CCDC170: variants seen among roughly 807,000 people sequenced by gnomAD.
The protein encoded by CCDC170 is coiled-coil domain-containing protein 170.
A neutral mutation model predicts 72.6 loss-of-function variants in CCDC170; 69 were observed. The ratio of observed to expected loss-of-function variants is 0.95; its 90% CI spans 0.78 to 1.16. The LOEUF (loss-of-function observed/expected upper bound fraction) is 1.16, where lower values mean the gene tolerates loss of function less well. CCDC170 is among the 50% of genes most tolerant of loss of function. The probability of loss-of-function intolerance (pLI) is 0.00; values close to 1 mark genes in which losing one functional copy is unlikely to be tolerated. For synonymous variants in CCDC170, 300 were observed against 303.9 expected (o/e 0.99, Z 0.13); for missense variants, 852 against 832.5 (o/e 1.02, Z -0.29).
chr6:151,544,797 T>C, intron 4 of CCDC170, 81 bp downstream of exon 4: 1 of 1,444,486 alleles, frequency 6.9e-7, no homozygotes, highest in African/African-American at 1.4e-5. Context: ...TGTGGTTGAG[T>C]TTGGGGGTGG....
chr6:151,544,429 C>T (rs1782740576), intron 3 of CCDC170, 143 bp from the exon 4 acceptor site: 1 of 813,440 alleles, frequency 1.2e-6, no homozygotes, highest in African/African-American at 1.7e-5. Flanking sequence ...GCTTCTGTGA[C>T]AATAATTTGC....
Position 151,621,076 on chromosome 6 carries a change from A to C in CCDC170, c.*2929A>C, listed in dbSNP as rs1269819670. ...TAGGGACTTCTAATGAAAAGGGTAT[A>C]TGAAATGGGAACAATAAATTCTGTA... On this transcript the variant is annotated 3_prime_UTR_variant, in exon 11 of 11. Transcript: ENST00000239374. 1 of 152,230 alleles carries C rather than the reference A, an allele frequency of 6.6e-6. No individual in the cohort carries two copies. Among genetic ancestry groups the C allele is most frequent in the Non-Finnish European group, 1.5e-5 (1 of 68,046 alleles). 9.4% of individuals were successfully genotyped at this position (152,230 alleles called of 1,614,324 possible). A position where few individuals can be genotyped will look rare whatever the true frequency, so the allele number is the denominator to read the frequency against.
chr6:151,533,149 G>GTGTCT (rs1782516258), intron 1 of CCDC170, among the ~76,000 whole-genome samples: 1 of 150,516 alleles, frequency 6.6e-6, no homozygotes, highest in Non-Finnish European at 1.5e-5. Context: ...CACCTCCCAG[G>GTGTCT]TTCATGCCAT....
intron 5 of CCDC170, among the ~76,000 whole-genome samples, chr6:151,568,792 A>G (rs867732694): frequency 6.6e-6 from 1 of 152,196 alleles, no homozygotes; most frequent in African/African-American, 2.4e-5. Context: ...ACTACATCAT[A>G]TTCTATAGTA....
At chr6:151,586,179 TTTGGTTAAGTCCTGGACTTAA>T in intron 7 of CCDC170, 90 bp downstream of exon 7, 3 of 1,344,984 alleles carry the variant, frequency 2.2e-6, no homozygotes. Context: ...CAGTATTTAG[TTTGGTTAAGTCCTGGACTTAA>T]TTGGTTAAGT....
intron 1 of CCDC170, among the ~76,000 whole-genome samples, chr6:151,533,831 C>T (rs1264727695): frequency 6.6e-6 from 1 of 151,900 alleles, no homozygotes; most frequent in African/African-American, 2.4e-5. Context: ...TTCTCTTTCC[C>T]TTTTTAGACT....
chr6:151,511,977 G>C (rs1782156820), intron 1 of CCDC170, among the ~76,000 whole-genome samples: 1 of 151,610 alleles, frequency 6.6e-6, no homozygotes. Flanking sequence ...CTCCTGAGTA[G>C]CTGGGACCAT....
At chr6:151,555,563 A>G (rs1340113322) in intron 5 of CCDC170, among the ~76,000 whole-genome samples, 1 of 152,200 alleles carries the variant, frequency 6.6e-6, no homozygotes, top group African/African-American at 2.4e-5. Flanking sequence ...TGACTAGCTA[A>G]TGTTCAACCT....
intron 5 of CCDC170, among the ~76,000 whole-genome samples, chr6:151,571,089 G>A (rs1776212306): frequency 6.6e-6 from 1 of 152,088 alleles, no homozygotes; most frequent in African/African-American, 2.4e-5. Context: ...AAAATAAGAT[G>A]TTATGTTTCC....
intron 8 of CCDC170, among the ~76,000 whole-genome samples, chr6:151,595,853 T>G (rs930988722): frequency 2.0e-5 from 3 of 152,096 alleles, no homozygotes; most frequent in African/African-American, 7.2e-5. Flanking sequence ...ACTCTCATGT[T>G]GGGGGCCACG....
rs564585080 is a variant in CCDC170, at chr6:151,620,686, A to T, written c.*2539A>T. The T allele has an allele frequency of 6.6e-6, 1 of 152,068 alleles. No individual in the cohort carries two copies. Among genetic ancestry groups the T allele is most frequent in the Non-Finnish European group, 1.5e-5 (1 of 67,994 alleles). The allele number at this position is 152,068 out of a possible 1,614,324, so 9.4% of individuals were successfully genotyped here. ...GTATGAGAGTGGAGATTGTTTTTGT[A>T]CATTCTCTTTGTTTTCATTTTCCAA... On this transcript the variant is annotated 3_prime_UTR_variant, in exon 11 of 11. Coordinates refer to ENST00000239374, the MANE Select transcript of CCDC170 (RefSeq NM_025059.4).
At position 151,615,699 on chromosome 6, in the gene CCDC170, T is replaced by C; in HGVS notation, c.1947+20T>C. The C allele has an allele frequency of 6.6e-7, 1 of 1,519,110 alleles. No individual in the cohort carries two copies. Among genetic ancestry groups the C allele is most frequent in the Non-Finnish European group, 9.1e-7 (1 of 1,097,796 alleles). 94.1% of individuals were successfully genotyped at this position (1,519,110 alleles called of 1,614,324 possible). A position where few individuals can be genotyped will look rare whatever the true frequency, so the allele number is the denominator to read the frequency against. On this transcript the variant is annotated intron_variant, in intron 10 of 10. Coordinates refer to ENST00000239374, the MANE Select transcript of CCDC170 (RefSeq NM_025059.4). ...AAGCAGGTGGGTCTAAATCTGGTGATGAAACCTTGTTTAGGAAATGACAGG... is the reference window on the plus strand; with the variant it reads ...AAGCAGGTGGGTCTAAATCTGGTGACGAAACCTTGTTTAGGAAATGACAGG...
chr6:151,575,940 A>G lies in CCDC170; in HGVS notation c.1092+2449A>G, dbSNP rs145073135. Among the ~76,000 whole-genome samples, 1,488 of 152,314 alleles carry G rather than the reference A, an allele frequency of 9.8e-3. 26 individuals carry two copies. Among genetic ancestry groups the G allele is most frequent in the African/African-American group, 0.034 (1,420 of 41,560 alleles). On this transcript the variant is annotated intron_variant, in intron 6 of 10. Transcript: ENST00000239374. ...AGTAACTTAGTTTTTCTTGTGACTC[A>G]GTTTACATGGAGGTACTTGAGAAAG... is the stretch of plus-strand genomic sequence containing the variant.
intron 5 of CCDC170, among the ~76,000 whole-genome samples, chr6:151,548,700 A>T (rs1013846112): frequency 9.1e-5 from 13 of 143,074 alleles, no homozygotes; most frequent in African/African-American, 1.2e-4. Flanking sequence ...ACATTTAAAA[A>T]TTTTTTAATT....
intron 4 of CCDC170, among the ~76,000 whole-genome samples, chr6:151,547,781 C>T (rs143459963): frequency 2.0e-5 from 3 of 152,330 alleles, no homozygotes; most frequent in East Asian, 1.9e-4. Flanking sequence ...CATTCCAATG[C>T]ACAACATAGT....
chr6:151,573,386 A>C lies in CCDC170; in HGVS notation c.987A>C (p.Lys329Asn), dbSNP rs1418513413. Reference protein sequence around the residue: ...SQSQYFSFREKIAALLRGRLS... With the variant: ...SQSQYFSFRENIAALLRGRLS... The stretch of plus-strand genomic sequence containing the variant: ...GCCAGTACTTCTCATTTAGGGAGAA[A>C]ATCGCAGCCCTCCTTAGGGGCAGAT... Residue 329 changes from lysine (K) to asparagine (N), a missense_variant, in exon 6 of 11, where the codon AAA (lysine) becomes AAC (asparagine). Physicochemically the swap from Lys to Asn is moderately conservative, Grantham distance 94. Transcript: ENST00000239374. 1.9e-6 allele frequency: 3 copies of C among 1,614,132 alleles called. No individual in the cohort carries two copies. Among genetic ancestry groups the C allele is most frequent in the Non-Finnish European group, 2.5e-6 (3 of 1,180,016 alleles).
At position 151,591,638 on chromosome 6, in the gene CCDC170, G is replaced by A. The variant is rs567316427; in HGVS notation, c.1294-1469G>A. 2.6e-5 allele frequency among the ~76,000 whole-genome samples: 4 copies of A among 152,070 alleles called. No individual in the cohort carries two copies. The East Asian group carries it at 5.8e-4, about 22-fold the overall frequency. Reference sequence around the variant, plus strand: ...GCCTCCCAAGTAGCTGGGACTACAGGTGCCCGCCACCACGCCCAGCTAATT... The same window carrying A: ...GCCTCCCAAGTAGCTGGGACTACAGATGCCCGCCACCACGCCCAGCTAATT... On this transcript the variant is annotated intron_variant, in intron 7 of 10. Coordinates refer to ENST00000239374, the MANE Select transcript of CCDC170 (RefSeq NM_025059.4).
chr6:151,589,495 C>T (rs1270757544), intron 7 of CCDC170, among the ~76,000 whole-genome samples: 1 of 152,118 alleles, frequency 6.6e-6, no homozygotes, highest in East Asian at 1.9e-4. Flanking sequence ...CCATCTTCAA[C>T]ACTTCCCTCT....
At chr6:151,545,982 T>C (rs537924444) in intron 4 of CCDC170, among the ~76,000 whole-genome samples, 3 of 152,150 alleles carry the variant, frequency 2.0e-5, no homozygotes, top group Non-Finnish European at 1.5e-5. Context: ...CTCACTATAT[T>C]GCCCGGGCTA....
Sources: allele counts gnomAD v4.1 joint callset (sites outside exome capture counted in the v4.1 genomes callset), GRCh38; gene constraint gnomAD v4.1.1; transcripts MANE v1.5; gene names NCBI Gene and HGNC (gene_info 2026-07-23, HGNC 2026-07-21).